Variants in RSU1 observed in about 807,000 individuals in gnomAD.
The protein encoded by RSU1 is rsu-1.
In RSU1, 26 loss-of-function variants were observed where a neutral mutation model predicts 31.1. The ratio of observed to expected loss-of-function variants is 0.84; its 90% CI spans 0.61 to 1.16. The LOEUF (loss-of-function observed/expected upper bound fraction) is 1.16. Among genes scored for constraint, RSU1 ranks in the 50% most tolerant of loss-of-function variants. The pLI, the probability that RSU1 is intolerant of heterozygous loss-of-function variation, is 0.00. For synonymous variants in RSU1, 164 were observed against 136.3 expected (o/e 1.20, Z -1.41); for missense variants, 320 against 339.1 (o/e 0.94, Z 0.44).
chr10:16,799,821 T>G (rs1302420872), intron 2 of RSU1, among the ~76,000 whole-genome samples: 1 of 152,038 alleles, frequency 6.6e-6, no homozygotes, highest in South Asian at 2.1e-4. Context: ...CCTTCCTGTC[T>G]CAATTTGGTA....
intron 8 of RSU1, among the ~76,000 whole-genome samples, chr10:16,620,812 T>C (rs1006239568): frequency 6.6e-6 from 1 of 150,462 alleles, no homozygotes; most frequent in Non-Finnish European, 1.5e-5. Context: ...GCCACTGCAC[T>C]CCAGCCTGGG....
chr10:16,637,904 C>T (rs1418384249), intron 8 of RSU1, among the ~76,000 whole-genome samples: 1 of 152,034 alleles, frequency 6.6e-6, no homozygotes, highest in Non-Finnish European at 1.5e-5. Context: ...GTACCCGCAT[C>T]CCTAGACTCT....
chr10:16,716,734 A>G (rs779646445), intron 7 of RSU1, among the ~76,000 whole-genome samples: 1 of 152,162 alleles, frequency 6.6e-6, no homozygotes, highest in South Asian at 2.1e-4. Flanking sequence ...CTGTACAACT[A>G]AAGAGCCCTT....
chr10:16,814,733 A>C (rs1226017652), intron 2 of RSU1, among the ~76,000 whole-genome samples: 2 of 152,228 alleles, frequency 1.3e-5, no homozygotes, highest in Non-Finnish European at 2.9e-5. Context: ...CTTCCCAAAA[A>C]GTACTATTAT....
At position 16,687,010 on chromosome 10, in the gene RSU1, C is replaced by T. The variant is rs1588715092; in HGVS notation, c.731+8013G>A. Among the ~76,000 whole-genome samples the T allele has an allele frequency of 3.9e-5, 6 of 152,324 alleles. No individual in the cohort carries two copies. In the South Asian group the frequency reaches 1.2e-3, roughly 32 times the overall value. On this transcript the variant is annotated intron_variant, in intron 8 of 8. Coordinates refer to ENST00000345264, the MANE Select transcript of RSU1 (RefSeq NM_012425.4). ...AAACCTGAGCCTACCAGGTCCCAGT[C>T]AGAGCTCCCAGGCAAGCACAGAGTG...
intron 2 of RSU1, among the ~76,000 whole-genome samples, chr10:16,797,547 G>C (rs923109271): frequency 6.6e-6 from 1 of 152,144 alleles, no homozygotes; most frequent in Non-Finnish European, 1.5e-5. Context: ...AAAGGAAAAA[G>C]AAAGTGTAGA....
chr10:16,745,458 T>C (rs1178396072), intron 7 of RSU1, among the ~76,000 whole-genome samples: 5 of 152,118 alleles, frequency 3.3e-5, no homozygotes, highest in Non-Finnish European at 5.9e-5. Context: ...ACTGGACTTA[T>C]AGTTCCACGA....
intron 7 of RSU1, among the ~76,000 whole-genome samples, chr10:16,738,730 T>C (rs182144964): frequency 4.6e-5 from 7 of 152,308 alleles, no homozygotes; most frequent in Admixed American, 1.3e-4. Context: ...CCAGGATACC[T>C]ATGCAGAACT....
At chr10:16,594,601 TATA>T (rs1271113603) in intron 8 of RSU1, among the ~76,000 whole-genome samples, 1 of 146,926 alleles carries the variant, frequency 6.8e-6, no homozygotes, top group Non-Finnish European at 1.5e-5. Context: ...ATATATCATA[TATA>T]ATATCTATTA....
chr10:16,759,114 C>T (rs1490574442), intron 4 of RSU1, among the ~76,000 whole-genome samples: 2 of 152,142 alleles, frequency 1.3e-5, no homozygotes, highest in Admixed American at 6.5e-5. Flanking sequence ...TTGTCCTGAG[C>T]ACCTCCAGCT....
At chr10:16,623,925 C>T (rs1007015949) in intron 8 of RSU1, among the ~76,000 whole-genome samples, 8 of 152,098 alleles carry the variant, frequency 5.3e-5, no homozygotes, top group African/African-American at 1.9e-4. Context: ...TTTTAAGGTG[C>T]TTCTTTTTGA....
chr10:16,600,380 T>C (rs940182370), intron 8 of RSU1, among the ~76,000 whole-genome samples: 4 of 152,148 alleles, frequency 2.6e-5, no homozygotes, highest in Non-Finnish European at 5.9e-5. Flanking sequence ...GGTGACGTGC[T>C]GTTAAAACAG....
At chr10:16,617,823 A>G (rs1414440129) in intron 8 of RSU1, among the ~76,000 whole-genome samples, 4 of 152,198 alleles carry the variant, frequency 2.6e-5, no homozygotes, top group Non-Finnish European at 4.4e-5. Context: ...ACCTTATACA[A>G]AAGTTAACTC....
At chr10:16,697,380 G>A (rs1165553244) in intron 7 of RSU1, among the ~76,000 whole-genome samples, 4 of 152,222 alleles carry the variant, frequency 2.6e-5, no homozygotes, top group Non-Finnish European at 5.9e-5. Flanking sequence ...TTCTTGGCCA[G>A]GAGTGGTGGC....
At chr10:16,790,454 A>G (rs1312652446) in intron 2 of RSU1, among the ~76,000 whole-genome samples, 1 of 152,226 alleles carries the variant, frequency 6.6e-6, no homozygotes, top group African/African-American at 2.4e-5. Flanking sequence ...GTGGATTTAG[A>G]AAGACAATGG....
intron 8 of RSU1, among the ~76,000 whole-genome samples, chr10:16,596,555 G>C (rs1421300660): frequency 1.3e-5 from 2 of 152,174 alleles, no homozygotes; most frequent in East Asian, 3.9e-4. Flanking sequence ...GCAAGGGTCT[G>C]ACTCTGTGTC....
intron 7 of RSU1, among the ~76,000 whole-genome samples, chr10:16,737,757 GAA>G (rs34578854): frequency 5.5e-5 from 8 of 146,090 alleles, no homozygotes; most frequent in African/African-American, 1.7e-4. Flanking sequence ...CTAACTTAAG[GAA>G]AAAAAAAAAC....
chr10:16,624,066 C>G (rs993102549), intron 8 of RSU1, among the ~76,000 whole-genome samples: 3 of 152,112 alleles, frequency 2.0e-5, no homozygotes, highest in African/African-American at 7.2e-5. Flanking sequence ...TTACCCATAA[C>G]TAGGTATTGT....
chr10:16,658,605 T>A (rs1834831883), intron 8 of RSU1, among the ~76,000 whole-genome samples: 1 of 152,064 alleles, frequency 6.6e-6, no homozygotes, highest in African/African-American at 2.4e-5. Context: ...GCACCTGTAA[T>A]CCCAGCTACT....
Sources: allele counts gnomAD v4.1 joint callset (sites outside exome capture counted in the v4.1 genomes callset), GRCh38; gene constraint gnomAD v4.1.1; transcripts MANE v1.5; gene names NCBI Gene and HGNC (gene_info 2026-07-23, HGNC 2026-07-21).